Variants in SLC12A6 observed in about 807,000 individuals in gnomAD.
SLC12A6 encodes the protein solute carrier family 12 member 6, also known as K-Cl cotransporter 3.
Under a neutral mutation model 135.3 loss-of-function variants are expected in SLC12A6, and 66 were observed. The ratio of observed to expected loss-of-function variants is 0.49; its 90% CI spans 0.40 to 0.60. SLC12A6 has a LOEUF of 0.60. Among genes scored for constraint, SLC12A6 ranks in the 20% least tolerant of loss-of-function variants. The pLI is 0.00. For missense variants in SLC12A6, 1,058 were observed against 1,452.3 expected (o/e 0.73, Z 4.41); for synonymous variants, 513 against 508.8 (o/e 1.01, Z -0.11).
At chr15:34,258,650 CAT>C (rs1031032359) in intron 5 of SLC12A6, among the ~76,000 whole-genome samples, 161 bp downstream of exon 5, 3 of 152,228 alleles carry the variant, frequency 2.0e-5, no homozygotes, top group African/African-American at 7.2e-5. Flanking sequence ...TAGACTGCAT[CAT>C]ATGTTTTCTT....
In SLC12A6 at chr15:34,250,924, C is replaced by T; in HGVS notation, c.1467G>A (p.Val489=). Reference sequence around the variant, plus strand: ...CTGTAACAGAGGGAAAGAAGATTCCCACCAGAAGCGTGAAGGAGGTGGTGA... The same window carrying T: ...CTGTAACAGAGGGAAAGAAGATTCCTACCAGAAGCGTGAAGGAGGTGGTGA... ...VDITTSFTLL[V]GIFFPSVTGI... is the part of the protein sequence containing the mutation. The change falls in exon 11 of 26, where the codon GTG becomes GTA. Residue 489 remains valine, a synonymous_variant. Transcript: ENST00000354181. 2.5e-6 allele frequency: 4 copies of T among 1,612,676 alleles called. No individual in the cohort carries two copies. The highest frequency in any genetic ancestry group is 3.4e-6 in the Non-Finnish European group (4 of 1,178,796).
intron 2 of SLC12A6, among the ~76,000 whole-genome samples, chr15:34,290,267 T>C (rs944454606): frequency 2.6e-5 from 4 of 152,216 alleles, no homozygotes; most frequent in Admixed American, 6.5e-5. Context: ...GGTTGTTCAT[T>C]TTCCATGTAG....
chr15:34,244,475 C>G (rs1215864526), intron 15 of SLC12A6, among the ~76,000 whole-genome samples: 1 of 152,208 alleles, frequency 6.6e-6, no homozygotes, highest in Admixed American at 6.5e-5. Context: ...TCCTTCTAAT[C>G]CATCTTTTAT....
chr15:34,334,676 C>T (rs1890084582), intron 2 of SLC12A6, among the ~76,000 whole-genome samples: 1 of 152,130 alleles, frequency 6.6e-6, no homozygotes, highest in Non-Finnish European at 1.5e-5. Flanking sequence ...CATCTGGGTA[C>T]CGGAGAATAT....
chr15:34,238,490 C>G (rs1891427431), intron 20 of SLC12A6, 89 bp from the exon 21 acceptor site: 2 of 1,008,510 alleles, frequency 2.0e-6, no homozygotes, highest in Non-Finnish European at 3.1e-6. Flanking sequence ...GCTCTTTTCA[C>G]ACTTCTTTGA....
At chr15:34,255,195 A>G (rs1056193979) in intron 8 of SLC12A6, 67 bp downstream of exon 8, 4 of 1,276,174 alleles carry the variant, frequency 3.1e-6, no homozygotes, top group Non-Finnish European at 4.6e-6. Context: ...AGAAGCTTTC[A>G]TAGCAAAGAA....
rs1680406949 is a variant in SLC12A6 at position 34,240,693 on chromosome 15, C to T, written c.2404G>A (p.Glu802Lys). ...GCAGCTAAAGCTTCACCGTAGTTCTCTAGGAAGTTCCCCACGATGACAGAG... is the reference window on the plus strand; with the variant it reads ...GCAGCTAAAGCTTCACCGTAGTTCTTTAGGAAGTTCCCCACGATGACAGAG... ...VGSVIVGNFL[E>K]NYGEALAAEQ... The change falls in exon 19 of 26, where the codon GAG becomes AAG. Residue 802 changes from glutamate to lysine, a missense_variant. Glu to Lys is a moderately conservative substitution (Grantham distance 56). Around this residue, in one of 6 missense-constraint regions of SLC12A6, gnomAD observed 31 missense variants for 24.3 expected, o/e 1.28. Coordinates refer to ENST00000354181, the MANE Select transcript of SLC12A6 (RefSeq NM_001365088.1). The T allele has an allele frequency of 1.2e-6, 2 of 1,614,068 alleles. No homozygotes were observed. The highest frequency in any genetic ancestry group is 1.7e-6 in the Non-Finnish European group (2 of 1,179,976).
chr15:34,252,866 G>C (rs977917366), intron 9 of SLC12A6, among the ~76,000 whole-genome samples: 23 of 152,138 alleles, frequency 1.5e-4, no homozygotes, highest in African/African-American at 4.8e-4. Flanking sequence ...GCCTAGAAAA[G>C]CCTAACATTC....
rs778694021 is a variant in SLC12A6 at position 34,275,342 on chromosome 15, T to TA, written c.316+2dup. On this transcript the variant is annotated splice_region_variant and intron_variant, in intron 3 of 25. Coordinates refer to ENST00000354181, the MANE Select transcript of SLC12A6 (RefSeq NM_001365088.1). ...AAAGTCAATCCCCACAGTAATACTA[T>TA]ACCTAACAGTTGGCTGTGTTCCCCT... The TA allele has an allele frequency of 3.4e-6, 5 of 1,468,242 alleles. No homozygotes were observed. The highest frequency in any genetic ancestry group is 3.8e-6 in the Non-Finnish European group (4 of 1,047,734). The allele number at this position is 1,468,242 out of a possible 1,614,324, so 91.0% of individuals were successfully genotyped here.
At chr15:34,290,281 C>T (rs564836285) in intron 2 of SLC12A6, among the ~76,000 whole-genome samples, 330 of 152,140 alleles carry the variant, frequency 2.2e-3, no homozygotes, top group Non-Finnish European at 3.1e-3. Flanking sequence ...CATGTAGTTG[C>T]GTGGTTTTGA....
chr15:34,231,964 A>G lies in SLC12A6; in HGVS notation c.*1917T>C, dbSNP rs1019461359. 3 of 152,224 alleles carry G rather than the reference A, an allele frequency of 2.0e-5. No homozygotes were observed. The highest frequency in any genetic ancestry group is 4.4e-5 in the Non-Finnish European group (3 of 68,046). The allele number at this position is 152,224 out of a possible 1,614,324, so 9.4% of individuals were successfully genotyped here. On this transcript the variant is annotated 3_prime_UTR_variant, in exon 26 of 26. Coordinates refer to ENST00000354181, the MANE Select transcript of SLC12A6 (RefSeq NM_001365088.1). ...ACAGGTCAAATGAATAATTTGTGAC[A>G]CCTAGGTCAGCTTGCTCCATGTCCT...
intron 2 of SLC12A6, among the ~76,000 whole-genome samples, chr15:34,313,345 TAGA>T (rs1888396442): frequency 6.6e-6 from 1 of 152,310 alleles, no homozygotes; most frequent in Admixed American, 6.5e-5. Flanking sequence ...GTGATCTGGA[TAGA>T]AGATCAAACC....
chr15:34,258,065 G>A (rs1334244557), intron 5 of SLC12A6, among the ~76,000 whole-genome samples: 1 of 152,096 alleles, frequency 6.6e-6, no homozygotes, highest in African/African-American at 2.4e-5. Context: ...ACTTTTATGT[G>A]CACCCACAAC....
chr15:34,300,993 A>G (rs1896214950), intron 2 of SLC12A6, among the ~76,000 whole-genome samples: 1 of 151,978 alleles, frequency 6.6e-6, no homozygotes, highest in African/African-American at 2.4e-5. Context: ...TTTGAGAAGG[A>G]GTTTCACTCT....
chr15:34,244,014 G>T lies in SLC12A6; in HGVS notation c.2002C>A (p.Arg668=). Residue 668 remains arginine (R), a synonymous_variant, in exon 16 of 26, where the codon CGA becomes AGA. Coordinates refer to ENST00000354181, the MANE Select transcript of SLC12A6 (RefSeq NM_001365088.1). ...NLACALQTLL[R]TPNWRPRFRY... is the part of the protein sequence containing the mutation. Reference sequence around the variant, plus strand: ...AATCGGGGTCTCCAGTTGGGTGTTCGAAGTAATGTTTGCAAGGCACATGCC... The same window carrying T: ...AATCGGGGTCTCCAGTTGGGTGTTCTAAGTAATGTTTGCAAGGCACATGCC... 1 of 1,609,806 alleles carries T rather than the reference G, an allele frequency of 6.2e-7. No individual in the cohort carries two copies. Among genetic ancestry groups the T allele is most frequent in the Non-Finnish European group, 8.5e-7 (1 of 1,176,020 alleles).
chr15:34,242,268 G>C, intron 16 of SLC12A6, 47 bp from the exon 17 acceptor site: 1 of 1,450,794 alleles, frequency 6.9e-7, no homozygotes, highest in Non-Finnish European at 9.7e-7. Flanking sequence ...AGCTGAAAAA[G>C]AAGCCTATGT....
chr15:34,251,782 G>GA (rs1379046057), intron 10 of SLC12A6, among the ~76,000 whole-genome samples: 2 of 152,118 alleles, frequency 1.3e-5, no homozygotes, highest in African/African-American at 4.8e-5. Context: ...GACACTTAAG[G>GA]AATGTTTCAG....
chr15:34,327,015 T>C (rs1889514291), intron 2 of SLC12A6, among the ~76,000 whole-genome samples: 1 of 152,090 alleles, frequency 6.6e-6, no homozygotes, highest in Non-Finnish European at 1.5e-5. Flanking sequence ...GTCTTGGAAT[T>C]ACATGTGCCT....
chr15:34,262,694 G>T (rs988558762), intron 3 of SLC12A6, among the ~76,000 whole-genome samples: 2 of 152,114 alleles, frequency 1.3e-5, no homozygotes, highest in Admixed American at 6.5e-5. Flanking sequence ...TCAGGGTTGC[G>T]GACACCCGTC....
Sources: gnomAD v4.1 joint callset for allele counts (sites outside exome capture counted in the v4.1 genomes callset) on GRCh38, gnomAD v4.1.1 for gene constraint, gnomAD v4.1.1 regional missense constraint, MANE v1.5 for transcripts, NCBI Gene and HGNC (gene_info 2026-07-23, HGNC 2026-07-21) for gene names.